The following RETREG1 variants were observed in gnomAD, a reference collection of about 807,000 sequenced individuals.
RETREG1 encodes the protein reticulophagy regulator 1.
Under a neutral mutation model 54.8 loss-of-function variants are expected in RETREG1, and 44 were observed. The observed-to-expected ratio is 0.80, with a 90% CI of 0.63 to 1.03. RETREG1 has a LOEUF of 1.03. RETREG1 is among the 50% of genes least tolerant of loss of function. The probability of loss-of-function intolerance (pLI) is 0.00; values close to 1 mark genes in which losing one functional copy is unlikely to be tolerated. For missense variants in RETREG1, 554 were observed against 605.1 expected, an observed-to-expected ratio of 0.92 and a Z score of 0.89; for synonymous variants, 217 against 238.5, an observed-to-expected ratio of 0.91 and a Z score of 0.83.
In RETREG1 at chr5:16,481,014, A is replaced by G. The variant is rs1314169969; in HGVS notation, c.665T>C (p.Leu222Pro). 1.2e-6 allele frequency: 2 copies of G among 1,606,884 alleles called. No homozygotes were observed. Among genetic ancestry groups the G allele is most frequent in the Non-Finnish European group, 1.7e-6 (2 of 1,173,964 alleles). Residue 222 changes from leucine to proline, a missense_variant, in exon 5 of 9, where the codon CTA becomes CCA. Coordinates refer to ENST00000306320, the MANE Select transcript of RETREG1 (RefSeq NM_001034850.3). ...SYIPGVILSY[L>P]LLLCAFLCPL... ...ATATGTTCTACTATACTTACACAGT[A>G]GATAGCTGAGTATAACCCCAGGAAT... is the stretch of plus-strand genomic sequence containing the variant.
At chr5:16,501,837 G>A (rs971945073) in intron 3 of RETREG1, among the ~76,000 whole-genome samples, 3 of 152,040 alleles carry the variant, frequency 2.0e-5, no homozygotes, top group Admixed American at 1.3e-4. Flanking sequence ...GAGCCACCAC[G>A]CCCAGCCTGG....
intron 3 of RETREG1, among the ~76,000 whole-genome samples, chr5:16,494,381 C>G (rs1290660492): frequency 1.3e-5 from 2 of 152,158 alleles, no homozygotes; most frequent in African/African-American, 2.4e-5. Flanking sequence ...AATCTCATGT[C>G]AAATTGTAGT....
intron 3 of RETREG1, among the ~76,000 whole-genome samples, chr5:16,496,768 A>G (rs1002303779): frequency 1.3e-5 from 2 of 152,228 alleles, no homozygotes; most frequent in Admixed American, 1.3e-4. Flanking sequence ...GAGAATAAAC[A>G]CAACTGACTC....
At chr5:16,611,884 G>A (rs897850617) in intron 1 of RETREG1, among the ~76,000 whole-genome samples, 4 of 152,082 alleles carry the variant, frequency 2.6e-5, no homozygotes, top group Non-Finnish European at 5.9e-5. Context: ...GACCAATATG[G>A]TGAAACCCTG....
At chr5:16,609,930 A>AC (rs1743293374) in intron 1 of RETREG1, among the ~76,000 whole-genome samples, 1 of 152,194 alleles carries the variant, frequency 6.6e-6, no homozygotes, top group Admixed American at 6.5e-5. Context: ...TCAAACTGGA[A>AC]CATGTATTGA....
At chr5:16,557,017 A>G (rs1741727963) in intron 3 of RETREG1, among the ~76,000 whole-genome samples, 4 of 152,114 alleles carry the variant, frequency 2.6e-5, no homozygotes, top group Admixed American at 2.6e-4. Flanking sequence ...TTTAGTAGAG[A>G]CAGGGTTTCA....
chr5:16,594,802 A>G lies in RETREG1; in HGVS notation c.320+21850T>C, dbSNP rs1259919191. 6.6e-6 allele frequency among the ~76,000 whole-genome samples: 1 copy of G among 152,208 alleles called. No homozygotes were observed. The highest frequency in any genetic ancestry group is 2.4e-5 in the African/African-American group (1 of 41,462). ...CAAACTGGCTAAAAGTCTCTCACTA[A>G]AGGTTTCTGATGTGACAGATGACAT... is the stretch of plus-strand genomic sequence containing the variant. On this transcript the variant is annotated intron_variant, in intron 1 of 8. Transcript: ENST00000306320. This position sits in a 1 kb window ranked among gnomAD's most constrained non-coding sequence, Gnocchi z 4.4.
At chr5:16,518,582 T>A (rs1325748284) in intron 3 of RETREG1, among the ~76,000 whole-genome samples, 4 of 152,088 alleles carry the variant, frequency 2.6e-5, no homozygotes, top group Non-Finnish European at 5.9e-5. Flanking sequence ...AGAAAAAAGA[T>A]TACTTTTAAA....
chr5:16,590,644 G>A (rs537761639), intron 1 of RETREG1, among the ~76,000 whole-genome samples: 13 of 152,230 alleles, frequency 8.5e-5, no homozygotes, highest in South Asian at 4.1e-4. Context: ...CCAGGGCCTC[G>A]TTGTTATTTT....
At chr5:16,505,078 G>C (rs890869465) in intron 3 of RETREG1, among the ~76,000 whole-genome samples, 1 of 152,174 alleles carries the variant, frequency 6.6e-6, no homozygotes, top group African/African-American at 2.4e-5. Context: ...GTGCTTTGGT[G>C]ATCTTAAATA....
At chr5:16,598,863 C>A (rs1742972684) in intron 1 of RETREG1, among the ~76,000 whole-genome samples, 1 of 152,114 alleles carries the variant, frequency 6.6e-6, no homozygotes, top group South Asian at 2.1e-4. Flanking sequence ...GCATTTCATT[C>A]ACAAATCATG....
chr5:16,479,549 T>C (rs1014717391), intron 5 of RETREG1, among the ~76,000 whole-genome samples: 1 of 152,122 alleles, frequency 6.6e-6, no homozygotes, highest in Non-Finnish European at 1.5e-5. Flanking sequence ...CTTGCCCAAA[T>C]TATTCTTTCA....
chr5:16,587,962 A>G (rs1742665387), intron 1 of RETREG1, among the ~76,000 whole-genome samples: 1 of 152,196 alleles, frequency 6.6e-6, no homozygotes, highest in Non-Finnish European at 1.5e-5. Flanking sequence ...TCAAGATCAC[A>G]GACACATACA....
intron 3 of RETREG1, among the ~76,000 whole-genome samples, chr5:16,544,262 C>T (rs1030189021): frequency 6.6e-6 from 1 of 152,188 alleles, no homozygotes; most frequent in Non-Finnish European, 1.5e-5. Context: ...AGGCATGAGC[C>T]ACCATGCCCA....
intron 3 of RETREG1, among the ~76,000 whole-genome samples, chr5:16,521,903 T>C (rs1257001172): frequency 6.6e-6 from 1 of 152,224 alleles, no homozygotes; most frequent in Non-Finnish European, 1.5e-5. Flanking sequence ...GCTCTGGAAG[T>C]AAATCATTAT....
At chr5:16,502,489 G>A (rs903331814) in intron 3 of RETREG1, among the ~76,000 whole-genome samples, 2 of 152,136 alleles carry the variant, frequency 1.3e-5, no homozygotes, top group Non-Finnish European at 2.9e-5. Flanking sequence ...TATTTTTGCA[G>A]GCATTTAAAA....
At chr5:16,595,972 C>T (rs186052434) in intron 1 of RETREG1, among the ~76,000 whole-genome samples, 1 of 152,044 alleles carries the variant, frequency 6.6e-6, no homozygotes, top group East Asian at 2.0e-4. Flanking sequence ...TATTATTTTG[C>T]CTTCCTAAGT....
chr5:16,575,602 G>A (rs1398185189), intron 1 of RETREG1, among the ~76,000 whole-genome samples: 2 of 152,262 alleles, frequency 1.3e-5, no homozygotes, highest in Admixed American at 6.5e-5. Flanking sequence ...GACTTCATTT[G>A]GAAGGCATTG....
intron 8 of RETREG1, among the ~76,000 whole-genome samples, chr5:16,477,235 T>G (rs1181570288): frequency 6.6e-6 from 1 of 152,180 alleles, no homozygotes; most frequent in Admixed American, 6.5e-5. Context: ...AAAAACACCC[T>G]TCTAAGGTAT....
Sources: gnomAD v4.1 joint callset for allele counts (sites outside exome capture counted in the v4.1 genomes callset) on GRCh38, gnomAD v4.1.1 for gene constraint, Gnocchi (gnomAD v3.1) non-coding constraint, MANE v1.5 for transcripts, NCBI Gene and HGNC (gene_info 2026-07-23, HGNC 2026-07-21) for gene names.